Variants in GAS2 observed in about 807,000 individuals in gnomAD.
GAS2 encodes the protein growth arrest-specific protein 2.
A neutral mutation model predicts 37.5 loss-of-function variants in GAS2; 20 were observed. The ratio of observed to expected loss-of-function variants is 0.53; its 90% confidence interval spans 0.37 to 0.77. GAS2 has a LOEUF of 0.77. GAS2 is among the 30% of genes least tolerant of loss of function. GAS2 has a pLI of 0.00. For missense variants in GAS2, 336 were observed against 373.4 expected (o/e 0.90, Z 0.82); for synonymous variants, 144 against 132.2 (o/e 1.09, Z -0.61).
chr11:22,783,736 A>C (rs867675767), intron 7 of GAS2, among the ~76,000 whole-genome samples: 31 of 152,294 alleles, frequency 2.0e-4, no homozygotes, highest in African/African-American at 7.5e-4. Context: ...CCCCATGTCA[A>C]GAAGGATATT....
rs562130010 is a variant in GAS2, at chr11:22,782,326, C to T, written c.723+26373C>T. On this transcript the variant is annotated intron_variant, in intron 7 of 7. Coordinates refer to ENST00000454584, the MANE Select transcript of GAS2 (RefSeq NM_001143830.3). ...AGCATCATTATCATTATTTTTCTTT[C>T]GAAACCAGAAGTTTAAAAGAAAAAT... Among the ~76,000 whole-genome samples, 23 of 152,084 alleles carry T rather than the reference C, an allele frequency of 1.5e-4. No homozygotes were observed. The South Asian group carries it at 2.1e-3, about 14-fold the overall frequency.
intron 7 of GAS2, among the ~76,000 whole-genome samples, chr11:22,764,404 C>CA (rs1474517862): frequency 6.6e-6 from 1 of 151,612 alleles, no homozygotes; most frequent in African/African-American, 2.4e-5. Context: ...ACTAAAAATA[C>CA]AAAAAATTAG....
intron 4 of GAS2, among the ~76,000 whole-genome samples, chr11:22,731,034 A>G (rs1180542944): frequency 6.6e-6 from 1 of 151,828 alleles, no homozygotes; most frequent in Non-Finnish European, 1.5e-5. Context: ...ATTATGAATC[A>G]TGAAATTGAT....
chr11:22,710,505 GTGTGTGTC>G (rs61420936), intron 3 of GAS2, among the ~76,000 whole-genome samples: 97,151 of 139,676 alleles, frequency 0.7, 35,910 homozygotes, highest in Non-Finnish European at 0.85. Flanking sequence ...GTGTGTGTCT[GTGTGTGTC>G]TGTGTGTATA....
intron 3 of GAS2, among the ~76,000 whole-genome samples, chr11:22,701,795 C>T (rs1341786773): frequency 6.6e-6 from 1 of 152,134 alleles, no homozygotes; most frequent in Non-Finnish European, 1.5e-5. Flanking sequence ...CACCACTGCA[C>T]TCCAGCCTGG....
At chr11:22,686,544 C>T (rs554470614) in intron 3 of GAS2, among the ~76,000 whole-genome samples, 2 of 107,500 alleles carry the variant, frequency 1.9e-5, no homozygotes, top group African/African-American at 7.0e-5. Flanking sequence ...GGCCAAAACC[C>T]GTCTCTACTA....
intron 7 of GAS2, among the ~76,000 whole-genome samples, chr11:22,758,614 C>T (rs1854181478): frequency 6.6e-6 from 1 of 152,008 alleles, no homozygotes; most frequent in Admixed American, 6.6e-5. Context: ...AGAATTGTTC[C>T]TTAGGAAGTC....
chr11:22,725,267 C>T (rs1300975138), intron 3 of GAS2, among the ~76,000 whole-genome samples: 1 of 152,028 alleles, frequency 6.6e-6, no homozygotes, highest in East Asian at 1.9e-4. Flanking sequence ...GGTTCACCCC[C>T]ACCCTTATCT....
At chr11:22,633,109 T>C (rs1858766765) in intron 1 of GAS2, among the ~76,000 whole-genome samples, 1 of 152,228 alleles carries the variant, frequency 6.6e-6, no homozygotes, top group Admixed American at 6.5e-5. Context: ...CAGTGGAATC[T>C]TTGTGGTGTT....
intron 1 of GAS2, among the ~76,000 whole-genome samples, chr11:22,670,478 C>T (rs978954335): frequency 6.6e-5 from 10 of 152,044 alleles, no homozygotes; most frequent in South Asian, 2.1e-4. Flanking sequence ...TTGTTCTCCC[C>T]GTTGTCCTTT....
At chr11:22,677,471 A>T (rs1214941194) in intron 2 of GAS2, among the ~76,000 whole-genome samples, 1 of 152,180 alleles carries the variant, frequency 6.6e-6, no homozygotes, top group African/African-American at 2.4e-5. Context: ...TTACAGTATG[A>T]TCTATGAGAA....
intron 5 of GAS2, among the ~76,000 whole-genome samples, chr11:22,742,147 C>T (rs187990522): frequency 4.0e-4 from 61 of 152,002 alleles, no homozygotes; most frequent in Non-Finnish European, 6.8e-4. Flanking sequence ...AATATGTTGC[C>T]CTTTGAGTAT....
intron 3 of GAS2, among the ~76,000 whole-genome samples, chr11:22,706,307 G>A (rs541276647): frequency 3.3e-5 from 5 of 151,572 alleles, no homozygotes; most frequent in Admixed American, 2.6e-4. Flanking sequence ...AGTGGCAGTG[G>A]AATGGGAAAG....
At chr11:22,739,077 G>A (rs1852909633) in intron 5 of GAS2, among the ~76,000 whole-genome samples, 1 of 152,160 alleles carries the variant, frequency 6.6e-6, no homozygotes, top group Admixed American at 6.5e-5. Flanking sequence ...GTTCAAACTT[G>A]TGGCATCTGG....
intron 3 of GAS2, among the ~76,000 whole-genome samples, chr11:22,698,296 T>A (rs1455533726): frequency 6.6e-6 from 1 of 151,972 alleles, no homozygotes; most frequent in African/African-American, 2.4e-5. Flanking sequence ...CTCAACACAG[T>A]CACCCTCCCA....
intron 1 of GAS2, among the ~76,000 whole-genome samples, chr11:22,631,092 T>G (rs1166744051): frequency 6.6e-6 from 1 of 152,208 alleles, no homozygotes; most frequent in Non-Finnish European, 1.5e-5. Context: ...GGTGATTTAT[T>G]TTTCTGCAGC....
upstream of GAS2, among the ~76,000 whole-genome samples, chr11:22,661,834 CTTAG>C (rs1034114897): frequency 4.6e-5 from 7 of 152,028 alleles, no homozygotes; most frequent in Admixed American, 4.6e-4. Context: ...TGATTTTCCC[CTTAG>C]TTTAGTTTCT....
chr11:22,750,671 T>G (rs1853675742), intron 6 of GAS2, among the ~76,000 whole-genome samples: 1 of 152,064 alleles, frequency 6.6e-6, no homozygotes. Flanking sequence ...ATATTATTAG[T>G]AGATAATGAT....
At chr11:22,756,525 G>A (rs1250443062) in intron 7 of GAS2, among the ~76,000 whole-genome samples, 2 of 152,042 alleles carry the variant, frequency 1.3e-5, no homozygotes, top group Non-Finnish European at 1.5e-5. Context: ...CCAGCAATGT[G>A]TAGTCTCACA....
Sources: allele counts gnomAD v4.1 joint callset (sites outside exome capture counted in the v4.1 genomes callset), GRCh38; gene constraint gnomAD v4.1.1; transcripts MANE v1.5; gene names NCBI Gene and HGNC (gene_info 2026-07-23, HGNC 2026-07-21).